Variants in NEGR1 observed in about 807,000 individuals in gnomAD.
The protein encoded by NEGR1 is neuronal growth regulator 1.
A neutral mutation model predicts 40.9 loss-of-function variants in NEGR1; 10 were observed. That is an observed-to-expected ratio of 0.24 (90% CI 0.15 to 0.42). The LOEUF is 0.42. Ranked by LOEUF, NEGR1 falls within the 10% of genes least tolerant of loss-of-function variation. The probability of loss-of-function intolerance (pLI) is 1.00; values close to 1 mark genes in which losing one functional copy is unlikely to be tolerated. For synonymous variants in NEGR1, 185 were observed against 166.8 expected (o/e 1.11, Z -0.84); for missense variants, 352 against 438.9 (o/e 0.80, Z 1.77).
chr1:72,075,881 G>A (rs376783235), intron 1 of NEGR1, among the ~76,000 whole-genome samples: 43 of 152,218 alleles, frequency 2.8e-4, no homozygotes, highest in African/African-American at 9.4e-4. Flanking sequence ...CGGAGTAAGA[G>A]TTCTTGGATT....
chr1:71,551,197 G>A (rs1225716097), intron 6 of NEGR1, among the ~76,000 whole-genome samples: 1 of 151,472 alleles, frequency 6.6e-6, no homozygotes, highest in African/African-American at 2.4e-5. Flanking sequence ...AACATTAAAA[G>A]TTTCTGGAAA....
At chr1:71,952,061 T>C (rs1646075710) in intron 1 of NEGR1, among the ~76,000 whole-genome samples, 1 of 151,856 alleles carries the variant, frequency 6.6e-6, no homozygotes, top group Admixed American at 6.6e-5. Context: ...GATACAACAA[T>C]TTTGCAATCA....
chr1:72,226,130 C>T (rs1302357868), intron 1 of NEGR1, among the ~76,000 whole-genome samples: 2 of 151,770 alleles, frequency 1.3e-5, no homozygotes, highest in Non-Finnish European at 3.0e-5. Context: ...CTGGCTTAAT[C>T]AAGATCTAAA....
At chr1:71,885,625 T>C (rs991309722) in intron 2 of NEGR1, among the ~76,000 whole-genome samples, 7 of 152,166 alleles carry the variant, frequency 4.6e-5, no homozygotes, top group Non-Finnish European at 8.8e-5. Context: ...ATAATAACCT[T>C]GGAAAATGGT....
At chr1:71,986,256 C>A (rs746177121) in intron 1 of NEGR1, among the ~76,000 whole-genome samples, 1 of 152,184 alleles carries the variant, frequency 6.6e-6, no homozygotes, top group Non-Finnish European at 1.5e-5. Flanking sequence ...AATTGGGCAC[C>A]AGGCCTTTAC....
intron 5 of NEGR1, among the ~76,000 whole-genome samples, chr1:71,593,732 T>C (rs1762740): frequency 0.89 from 136,172 of 152,192 alleles, 62,282 homozygotes; most frequent in Non-Finnish European, 1. Context: ...TCTCAATGCA[T>C]GTTGTACCTA....
At chr1:71,767,753 A>T (rs1290117970) in intron 3 of NEGR1, among the ~76,000 whole-genome samples, 1 of 152,220 alleles carries the variant, frequency 6.6e-6, no homozygotes, top group Non-Finnish European at 1.5e-5. Context: ...CTCCCATCAC[A>T]GACCTGGAGG....
intron 5 of NEGR1, 51 bp downstream of exon 5, chr1:71,610,975 G>A (rs750790702): frequency 1.9e-6 from 3 of 1,570,202 alleles, no homozygotes; most frequent in Non-Finnish European, 1.7e-6. Flanking sequence ...TGAAACACAA[G>A]CACGTTAGCT....
intron 1 of NEGR1, among the ~76,000 whole-genome samples, chr1:72,120,592 G>A (rs1406477614): frequency 2.0e-5 from 3 of 151,302 alleles, no homozygotes; most frequent in Non-Finnish European, 4.4e-5. Flanking sequence ...CATGTGCCAT[G>A]CTGGTGCGCT....
chr1:71,842,663 A>G (rs1247906434), intron 2 of NEGR1, among the ~76,000 whole-genome samples: 3 of 152,200 alleles, frequency 2.0e-5, no homozygotes, highest in Non-Finnish European at 4.4e-5. Context: ...GGAAATCTTG[A>G]AAACATTATT....
At chr1:71,625,032 AG>A (rs1650724731) in intron 4 of NEGR1, among the ~76,000 whole-genome samples, 1 of 152,046 alleles carries the variant, frequency 6.6e-6, no homozygotes, top group African/African-American at 2.4e-5. Context: ...TGGTGTTTAA[AG>A]AATAAAGTAA....
chr1:72,135,234 G>A (rs1200924361), intron 1 of NEGR1, among the ~76,000 whole-genome samples: 1 of 150,014 alleles, frequency 6.7e-6, no homozygotes, highest in East Asian at 2.0e-4. Flanking sequence ...AAATTAGCCA[G>A]GCGTGGTGGC....
intron 1 of NEGR1, among the ~76,000 whole-genome samples, chr1:72,268,786 T>C (rs1417699539): frequency 6.6e-6 from 1 of 151,626 alleles, no homozygotes; most frequent in African/African-American, 2.4e-5. Flanking sequence ...GTTACATTCT[T>C]ATGTATAGCC....
chr1:71,817,198 A>G (rs1198073119), intron 2 of NEGR1, among the ~76,000 whole-genome samples: 7 of 152,196 alleles, frequency 4.6e-5, no homozygotes, highest in South Asian at 2.1e-4. Flanking sequence ...AGACTTGCTC[A>G]TGCAGCTTCC....
intron 1 of NEGR1, among the ~76,000 whole-genome samples, chr1:72,179,497 G>A (rs1191632730): frequency 6.6e-6 from 1 of 152,072 alleles, no homozygotes; most frequent in African/African-American, 2.4e-5. Context: ...CAGGTGAAAT[G>A]CTCAGAACAG....
In NEGR1 at chr1:72,180,358, T is replaced by C. The variant is rs373794171; in HGVS notation, c.176+101961A>G. ...AAACATAAAACCAAAAACTATAACATTCATAAAAGAGAATGCATGGGAAAA... is the reference window on the plus strand; with the variant it reads ...AAACATAAAACCAAAAACTATAACACTCATAAAAGAGAATGCATGGGAAAA... On this transcript the variant is annotated intron_variant, in intron 1 of 6. Coordinates refer to ENST00000357731, the MANE Select transcript of NEGR1 (RefSeq NM_173808.3). Among the ~76,000 whole-genome samples the C allele has an allele frequency of 3.1e-4, 47 of 151,618 alleles. No individual in the cohort carries two copies. The East Asian group carries it at 8.2e-3, about 26-fold the overall frequency.
intron 6 of NEGR1, among the ~76,000 whole-genome samples, chr1:71,478,748 C>T (rs1385630138): frequency 5.9e-5 from 9 of 151,908 alleles, no homozygotes; most frequent in Admixed American, 5.9e-4. Flanking sequence ...GGTACTGTGC[C>T]AGAATGGGAG....
intron 1 of NEGR1, among the ~76,000 whole-genome samples, chr1:71,974,119 C>T (rs1224438626): frequency 6.6e-6 from 1 of 152,236 alleles, no homozygotes; most frequent in South Asian, 2.1e-4. Context: ...GATACTCACA[C>T]CATTGCCTCA....
chr1:71,951,784 T>A lies in NEGR1; in HGVS notation c.177-16473A>T, dbSNP rs185785900. 5.3e-5 allele frequency among the ~76,000 whole-genome samples: 8 copies of A among 152,078 alleles called. No homozygotes were observed. The East Asian group carries it at 1.5e-3, about 29-fold the overall frequency. ...GTGTCAAGCAAGTCTGTTGGTGTCA[T>A]TTTTCCAACAGCATGTGCTCACTTC... is the stretch of plus-strand genomic sequence containing the variant. On this transcript the variant is annotated intron_variant, in intron 1 of 6. Coordinates refer to ENST00000357731, the MANE Select transcript of NEGR1 (RefSeq NM_173808.3).
Sources: gnomAD v4.1 joint callset for allele counts (sites outside exome capture counted in the v4.1 genomes callset) on GRCh38, gnomAD v4.1.1 for gene constraint, MANE v1.5 for transcripts, NCBI Gene and HGNC (gene_info 2026-07-23, HGNC 2026-07-21) for gene names.